Variants in ECE2 observed in about 807,000 individuals in gnomAD.
ECE2 encodes endothelin converting enzyme 2, also known as endothelin-converting enzyme 2.
In ECE2, 81 loss-of-function variants were observed where a neutral mutation model predicts 100.6. The ratio of observed to expected loss-of-function variants is 0.81; its 90% CI spans 0.67 to 0.97. The LOEUF (loss-of-function observed/expected upper bound fraction) is 0.97, where lower values mean the gene tolerates loss of function less well. Among genes scored for constraint, ECE2 ranks in the 50% least tolerant of loss-of-function variants. The pLI, the probability that ECE2 is intolerant of heterozygous loss-of-function variation, is 0.00. For synonymous variants in ECE2, 391 were observed against 391.5 expected (o/e 1.00, Z 0.02); for missense variants, 911 against 988.1 (o/e 0.92, Z 1.05).
chr3:184,290,441 A>C, intron 14 of ECE2, 83 bp downstream of exon 14: 1 of 1,565,234 alleles, frequency 6.4e-7, no homozygotes, highest in Non-Finnish European at 8.8e-7. Flanking sequence ...AAAGGGTGGC[A>C]AGACTGGTCC....
In ECE2 at chr3:184,286,796, TAAAA is replaced by T. The variant is rs11449762; in HGVS notation, c.1264-1025_1264-1022del. Among the ~76,000 whole-genome samples, 48 of 121,928 alleles carry T rather than the reference TAAAA, an allele frequency of 3.9e-4. 1 individual carries two copies. The East Asian group carries it at 0.01, about 26-fold the overall frequency. The allele number at this position is 121,928 out of a possible 152,430, so 80.0% of individuals were successfully genotyped here. A position where few individuals can be genotyped will look rare whatever the true frequency, so the allele number is the denominator to read the frequency against. The stretch of plus-strand genomic sequence containing the variant: ...TGGGCTACAAGAGCAAAACTCTGTT[TAAAA>T]AAAAAAAAAAAAAAAGGCAATTGCA... On this transcript the variant is annotated intron_variant, in intron 10 of 18. Transcript: ENST00000404464.
chr3:184,284,787 C>T (rs1720960785), intron 8 of ECE2, among the ~76,000 whole-genome samples, 176 bp from the exon 9 acceptor site: 1 of 152,102 alleles, frequency 6.6e-6, no homozygotes, highest in Non-Finnish European at 1.5e-5. Flanking sequence ...AGTGGTTGGG[C>T]TCCCAGATTG....
rs184794095 is a variant in ECE2, at chr3:184,289,542, G to A, written c.1473+7G>A. The stretch of plus-strand genomic sequence containing the variant: ...CCAGGCAGCCAAGGAGAAAGTGAGC[G>A]GTGGCTAGGGTTGGGGCGCCATCTT... On this transcript the variant is annotated splice_region_variant and intron_variant, in intron 12 of 18. Transcript: ENST00000404464. This position sits in a 1 kb window ranked among gnomAD's most constrained non-coding sequence, Gnocchi z 4.1. 2,507 of 1,613,480 alleles carry A rather than the reference G, an allele frequency of 1.6e-3. 7 individuals carry two copies. The highest frequency in any genetic ancestry group is 2.0e-3 in the Non-Finnish European group (2,332 of 1,179,710).
intron 10 of ECE2, among the ~76,000 whole-genome samples, chr3:184,287,201 G>A (rs1266717802): frequency 4.0e-5 from 6 of 151,740 alleles, no homozygotes; most frequent in African/African-American, 9.7e-5. Flanking sequence ...GCGTGAACCC[G>A]GGAGGTGGAG....
chr3:184,291,500 CATT>C lies in ECE2; in HGVS notation c.2121+63_2121+65del. The C allele has an allele frequency of 3.5e-6, 5 of 1,416,258 alleles. No homozygotes were observed. Among genetic ancestry groups the C allele is most frequent in the Non-Finnish European group, 4.7e-6 (5 of 1,054,346 alleles). 87.7% of individuals were successfully genotyped at this position (1,416,258 alleles called of 1,614,324 possible). A position where few individuals can be genotyped will look rare whatever the true frequency, so the allele number is the denominator to read the frequency against. On this transcript the variant is annotated intron_variant, in intron 18 of 18. Coordinates refer to ENST00000404464, the MANE Select transcript of ECE2 (RefSeq NM_001100121.2). The surrounding 1 kb of genome is among the most constrained non-coding windows in gnomAD (Gnocchi z 4.1). ...TTGTCCTGCTCCCTCCTGAGTATGT[CATT>C]AGGAGAACTCTGGGGCACGTGTCAA...
Position 184,278,064 on chromosome 3 carries a change from C to A in ECE2, c.603+15C>A, listed in dbSNP as rs1318309021. On this transcript the variant is annotated intron_variant, in intron 5 of 18. Transcript: ENST00000404464. ...TCATTGAGAAGGTAGGGCCACTGAG[C>A]CGGTTGAGGGCAGGGGAGCAGGAGA... 1.2e-6 allele frequency: 2 copies of A among 1,613,784 alleles called. No individual in the cohort carries two copies. The highest frequency in any genetic ancestry group is 2.2e-5 in the South Asian group (2 of 91,058).
In ECE2 at chr3:184,291,381, A is replaced by G. The variant is rs750374132; in HGVS notation, c.2063A>G (p.Gln688Arg). The G allele has an allele frequency of 1.9e-6, 3 of 1,608,948 alleles. No homozygotes were observed. The highest frequency in any genetic ancestry group is 4.5e-5 in the East Asian group (2 of 44,864). ...KAWLRKHGEE[Q>R]QLPAVGLTNH... Reference sequence around the variant, plus strand: ...TGGCTGAGAAAGCATGGGGAGGAGCAGCAACTGCCAGCCGTGGGGCTCACC... The same window carrying G: ...TGGCTGAGAAAGCATGGGGAGGAGCGGCAACTGCCAGCCGTGGGGCTCACC... Residue 688 changes from glutamine (Q) to arginine (R), a missense_variant, in exon 18 of 19, where the codon CAG becomes CGG. Physicochemically the swap from Gln to Arg is conservative, Grantham distance 43. Coordinates refer to ENST00000404464, the MANE Select transcript of ECE2 (RefSeq NM_001100121.2). The surrounding 1 kb of genome is among the most constrained non-coding windows in gnomAD (Gnocchi z 4.1).
At chr3:184,290,884 C>T (rs1721279945) in intron 16 of ECE2, 24 bp downstream of exon 16, 4 of 1,613,988 alleles carry the variant, frequency 2.5e-6, no homozygotes, top group African/African-American at 1.3e-5. Flanking sequence ...GAGTCGTCCC[C>T]TCTAGCCTAG....
At chr3:184,281,133 C>A (rs1037749438) in intron 7 of ECE2, among the ~76,000 whole-genome samples, 3 of 152,218 alleles carry the variant, frequency 2.0e-5, no homozygotes, top group Middle Eastern at 3.4e-3. Flanking sequence ...AGTAGGACAA[C>A]CATTTGTCCT....
intron 7 of ECE2, among the ~76,000 whole-genome samples, chr3:184,280,068 G>A (rs976212568): frequency 6.6e-6 from 1 of 152,138 alleles, no homozygotes; most frequent in African/African-American, 2.4e-5. Context: ...CTTGGTGCCC[G>A]GATGTTAGAG....
At chr3:184,278,674 G>A (rs1021547648) in intron 7 of ECE2, 117 bp downstream of exon 7, 2 of 994,376 alleles carry the variant, frequency 2.0e-6, no homozygotes, top group African/African-American at 3.2e-5. Context: ...CTGTCACCTA[G>A]TGAACAAACT....
At chr3:184,282,262 C>T (rs1247582005) in intron 7 of ECE2, among the ~76,000 whole-genome samples, 1 of 152,172 alleles carries the variant, frequency 6.6e-6, no homozygotes, top group Non-Finnish European at 1.5e-5. Context: ...GATTGGTACT[C>T]AAACCTCTTC....
rs1483401413 is a variant in ECE2 at position 184,276,498 on chromosome 3, G to C, written c.57G>C (p.Arg19=). Residue 19 remains arginine (R), a synonymous_variant, in exon 2 of 19, where the codon CGG becomes CGC. Coordinates refer to ENST00000404464, the MANE Select transcript of ECE2 (RefSeq NM_001100121.2). The stretch of plus-strand genomic sequence containing the variant: ...TCTGGCAGATGGTGGAGTACAAACG[G>C]GCCACGCTTCGGGATGAAGACGCAC... The part of the protein sequence containing the change: ...GAGSNMVEYK[R]ATLRDEDAPE... 1 of 1,610,388 alleles carries C rather than the reference G, an allele frequency of 6.2e-7. No individual in the cohort carries two copies. The highest frequency in any genetic ancestry group is 1.7e-5 in the Admixed American group (1 of 59,816).
chr3:184,283,122 C>A (rs1464275018), intron 7 of ECE2, among the ~76,000 whole-genome samples: 1 of 152,112 alleles, frequency 6.6e-6, no homozygotes, highest in Non-Finnish European at 1.5e-5. Context: ...GGAAGTAGGC[C>A]CATCTGCTGG....
Position 184,291,776 on chromosome 3 carries a change from CG to C in ECE2, c.2122-283del. 1.9e-6 allele frequency: 1 copy of C among 515,326 alleles called. No homozygotes were observed. Among genetic ancestry groups the C allele is most frequent in the Middle Eastern group, 5.0e-4 (1 of 2,016 alleles). 31.9% of individuals were successfully genotyped at this position (515,326 alleles called of 1,614,324 possible). On this transcript the variant is annotated intron_variant, in intron 18 of 18. Transcript: ENST00000404464. This position sits in a 1 kb window ranked among gnomAD's most constrained non-coding sequence, Gnocchi z 4.1. Reference sequence around the variant, plus strand: ...GGGAGACATGCAGGAAACGAAAGCTCGGGACGCAGAGTGGCCTGTCCAGGGC... The same window carrying C: ...GGGAGACATGCAGGAAACGAAAGCTCGGACGCAGAGTGGCCTGTCCAGGGC...
At position 184,291,161 on chromosome 3, in the gene ECE2, G is replaced by A. The variant is rs1476375301; in HGVS notation, c.1956G>A (p.Glu652=). ...EQYNQYQVNG[E]RLNGRQTLGE... Reference sequence around the variant, plus strand: ...ACAATCAATACCAGGTCAATGGGGAGAGGCTCAACGGCCGCCAGACGCTGG... The same window carrying A: ...ACAATCAATACCAGGTCAATGGGGAAAGGCTCAACGGCCGCCAGACGCTGG... The change falls in exon 17 of 19, where the codon GAG becomes GAA. Residue 652 remains glutamate, a synonymous_variant. Coordinates refer to ENST00000404464, the MANE Select transcript of ECE2 (RefSeq NM_001100121.2). The surrounding 1 kb of genome is among the most constrained non-coding windows in gnomAD (Gnocchi z 4.1). The A allele has an allele frequency of 6.2e-7, 1 of 1,613,944 alleles. No individual in the cohort carries two copies. The highest frequency in any genetic ancestry group is 1.1e-5 in the South Asian group (1 of 91,014).
chr3:184,290,355 A>G lies in ECE2; in HGVS notation c.1652A>G (p.Asp551Gly). The G allele has an allele frequency of 6.2e-7, 1 of 1,613,776 alleles. No homozygotes were observed. The highest frequency in any genetic ancestry group is 8.5e-7 in the Non-Finnish European group (1 of 1,179,802). Residue 551 changes from aspartate to glycine, a missense_variant, in exon 14 of 19, where the codon GAC becomes GGC. Coordinates refer to ENST00000404464, the MANE Select transcript of ECE2 (RefSeq NM_001100121.2). Reference protein sequence around the residue: ...ADQLRKPPSRDQWSMTPQTVN... With the variant: ...ADQLRKPPSRGQWSMTPQTVN... ...CAGCTCCGCAAGCCTCCCAGCCGAG[A>G]CCAGTGAGAATGACGGGGTGGACAT...
chr3:184,286,796 T>TAAAAAA (rs11449762), intron 10 of ECE2, among the ~76,000 whole-genome samples: 1 of 121,942 alleles, frequency 8.2e-6, no homozygotes, highest in African/African-American at 3.2e-5. Context: ...AAACTCTGTT[T>TAAAAAA]AAAAAAAAAA....
intron 11 of ECE2, 42 bp downstream of exon 11, chr3:184,287,989 G>C: frequency 3.2e-6 from 5 of 1,576,660 alleles, no homozygotes; most frequent in Non-Finnish European, 3.5e-6. Context: ...CCTCAAAATT[G>C]ACTGTTCATG....
Sources: gnomAD v4.1 joint callset for allele counts (sites outside exome capture counted in the v4.1 genomes callset) on GRCh38, gnomAD v4.1.1 for gene constraint, Gnocchi (gnomAD v3.1) non-coding constraint, MANE v1.5 for transcripts, NCBI Gene and HGNC (gene_info 2026-07-23, HGNC 2026-07-21) for gene names.